Variants in PPP1R9A observed in about 807,000 individuals in gnomAD.
PPP1R9A encodes neurabin-1.
In PPP1R9A, 59 loss-of-function variants were observed where a neutral mutation model predicts 141.9. The ratio of observed to expected loss-of-function variants is 0.42; its 90% CI spans 0.34 to 0.52. The LOEUF (loss-of-function observed/expected upper bound fraction) is 0.52. Ranked by LOEUF, PPP1R9A falls within the 20% of genes least tolerant of loss-of-function variation. The pLI, the probability that PPP1R9A is intolerant of heterozygous loss-of-function variation, is 0.10. For synonymous variants in PPP1R9A, 500 were observed against 569.7 expected, an observed-to-expected ratio of 0.88 and a Z score of 1.74; for missense variants, 1,444 against 1,611.9, an observed-to-expected ratio of 0.90 and a Z score of 1.78.
chr7:95,260,287 A>C (rs1800228806), intron 12 of PPP1R9A, among the ~76,000 whole-genome samples: 3 of 152,206 alleles, frequency 2.0e-5, no homozygotes, highest in African/African-American at 2.4e-5. Context: ...TTCAGTTGCA[A>C]ATTGACAGCT....
intron 5 of PPP1R9A, among the ~76,000 whole-genome samples, 170 bp from the exon 6 acceptor site, chr7:95,198,179 A>G (rs1003510602): frequency 6.6e-6 from 1 of 152,032 alleles, no homozygotes. Context: ...AATCACTTTA[A>G]TTGCACATCT....
intron 4 of PPP1R9A, among the ~76,000 whole-genome samples, chr7:95,128,568 CGTTTGTTT>C (rs372584781): frequency 0.01 from 1,570 of 151,844 alleles, 25 homozygotes; most frequent in African/African-American, 0.036. Flanking sequence ...GTTTTCTGTT[CGTTTGTTT>C]GTTTGTTTGT....
chr7:94,979,816 A>G (rs1275217304), intron 2 of PPP1R9A, among the ~76,000 whole-genome samples: 2 of 152,306 alleles, frequency 1.3e-5, no homozygotes, highest in African/African-American at 4.8e-5. Flanking sequence ...GCCAAATGCT[A>G]GTTTGGTGGT....
At chr7:95,258,945 T>A (rs546337957) in intron 12 of PPP1R9A, among the ~76,000 whole-genome samples, 1 of 152,314 alleles carries the variant, frequency 6.6e-6, no homozygotes, top group East Asian at 1.9e-4. Flanking sequence ...ATATATATCC[T>A]CCAGAAACTC....
intron 2 of PPP1R9A, among the ~76,000 whole-genome samples, chr7:94,938,173 G>A (rs553302170): frequency 2.8e-4 from 43 of 152,248 alleles, no homozygotes; most frequent in African/African-American, 1.0e-3. Context: ...TCCTTCTCTT[G>A]TCAGATGAGT....
intron 2 of PPP1R9A, among the ~76,000 whole-genome samples, chr7:95,058,082 G>A (rs1811733289): frequency 6.6e-6 from 1 of 152,150 alleles, no homozygotes; most frequent in South Asian, 2.1e-4. Flanking sequence ...TAAGTCAGAA[G>A]TGGCCCTGTG....
intron 2 of PPP1R9A, among the ~76,000 whole-genome samples, chr7:94,966,761 T>C (rs1210508778): frequency 6.6e-6 from 1 of 152,210 alleles, no homozygotes; most frequent in Non-Finnish European, 1.5e-5. Flanking sequence ...TTCAGGAATA[T>C]TGGCCTGAAA....
intron 2 of PPP1R9A, among the ~76,000 whole-genome samples, chr7:94,950,453 G>C (rs893493221): frequency 7.2e-4 from 109 of 152,116 alleles, no homozygotes; most frequent in African/African-American, 2.5e-3. Flanking sequence ...CTTCATAAGA[G>C]AGCTCTTCTT....
chr7:95,144,739 A>G (rs1312323509), intron 4 of PPP1R9A, among the ~76,000 whole-genome samples: 1 of 152,224 alleles, frequency 6.6e-6, no homozygotes, highest in African/African-American at 2.4e-5. Context: ...CCTAATAATT[A>G]GACAAGAAAA....
chr7:95,108,164 G>A lies in PPP1R9A; in HGVS notation c.1396-3095G>A, dbSNP rs374946478. On this transcript the variant is annotated intron_variant, in intron 2 of 19. Transcript: ENST00000433360. ...ATCAGTTGTTTAATCTGCAAATAACGACTTCTGGCTTTTCTTTTTCAATAA... is the reference window on the plus strand; with the variant it reads ...ATCAGTTGTTTAATCTGCAAATAACAACTTCTGGCTTTTCTTTTTCAATAA... Among the ~76,000 whole-genome samples the A allele has an allele frequency of 3.6e-4, 55 of 151,924 alleles. 1 individual carries two copies. The highest frequency in any genetic ancestry group is 1.1e-3 in the African/African-American group (46 of 41,466).
At chr7:95,149,319 C>T (rs893954766) in intron 4 of PPP1R9A, among the ~76,000 whole-genome samples, 12 of 151,920 alleles carry the variant, frequency 7.9e-5, no homozygotes, top group Non-Finnish European at 1.3e-4. Flanking sequence ...AAAAAACTTT[C>T]CTGCTAAGAT....
chr7:94,964,085 A>C (rs1245174786), intron 2 of PPP1R9A, among the ~76,000 whole-genome samples: 1 of 152,174 alleles, frequency 6.6e-6, no homozygotes, highest in Non-Finnish European at 1.5e-5. Context: ...ACAAGAAGTC[A>C]GGTGTGGAAT....
intron 2 of PPP1R9A, among the ~76,000 whole-genome samples, chr7:95,072,113 T>G (rs1422804020): frequency 6.6e-6 from 1 of 151,076 alleles, no homozygotes; most frequent in Admixed American, 6.6e-5. Context: ...AATATGTATA[T>G]TCATGTTAAA....
intron 12 of PPP1R9A, among the ~76,000 whole-genome samples, chr7:95,267,952 A>G (rs1801560232): frequency 6.6e-6 from 1 of 152,140 alleles, no homozygotes; most frequent in Non-Finnish European, 1.5e-5. Context: ...GCTATCGTCA[A>G]TTTGCTGATT....
chr7:95,287,500 A>G (rs1214024654), intron 18 of PPP1R9A, among the ~76,000 whole-genome samples: 1 of 152,004 alleles, frequency 6.6e-6, no homozygotes, highest in Non-Finnish European at 1.5e-5. Context: ...AAGACCTATC[A>G]TCACCTTCAT....
intron 2 of PPP1R9A, among the ~76,000 whole-genome samples, chr7:95,012,570 C>A (rs939443851): frequency 6.6e-6 from 1 of 152,066 alleles, no homozygotes; most frequent in Non-Finnish European, 1.5e-5. Context: ...TCATTCTACA[C>A]TTTATATATT....
chr7:95,269,122 A>T lies in PPP1R9A; in HGVS notation c.2824-85A>T. 3.8e-6 allele frequency: 5 copies of T among 1,306,820 alleles called. No individual in the cohort carries two copies. The South Asian group carries it at 7.1e-5, about 19-fold the overall frequency. The allele number at this position is 1,306,820 out of a possible 1,614,324, so 81.0% of individuals were successfully genotyped here. ...TGGTTTTCATGGGGATTCACTAATAAAAGGTTGGTCTTATTTCAAAGTAAG... is the reference window on the plus strand; with the variant it reads ...TGGTTTTCATGGGGATTCACTAATATAAGGTTGGTCTTATTTCAAAGTAAG... On this transcript the variant is annotated intron_variant, in intron 13 of 19. Transcript: ENST00000433360.
At chr7:95,112,879 A>G (rs1304815219) in intron 3 of PPP1R9A, among the ~76,000 whole-genome samples, 1 of 152,152 alleles carries the variant, frequency 6.6e-6, no homozygotes, top group African/African-American at 2.4e-5. Flanking sequence ...CAGTGGGTAC[A>G]CATCAACATA....
intron 2 of PPP1R9A, among the ~76,000 whole-genome samples, chr7:94,921,364 G>A (rs577334497): frequency 1.3e-5 from 2 of 151,416 alleles, no homozygotes; most frequent in African/African-American, 2.4e-5. Context: ...GGAGAATGGC[G>A]TGAACCCGGG....
Sources: allele counts gnomAD v4.1 joint callset (sites outside exome capture counted in the v4.1 genomes callset), GRCh38; gene constraint gnomAD v4.1.1; transcripts MANE v1.5; gene names NCBI Gene and HGNC (gene_info 2026-07-23, HGNC 2026-07-21).